Variants in MAST4 observed in about 807,000 individuals in gnomAD.
MAST4 encodes the protein microtubule-associated serine/threonine-protein kinase 4.
Under a neutral mutation model 162.7 loss-of-function variants are expected in MAST4, and 89 were observed. The observed-to-expected ratio is 0.55, with a 90% CI of 0.46 to 0.65. The LOEUF (loss-of-function observed/expected upper bound fraction) is 0.65, where lower values mean the gene tolerates loss of function less well. Ranked by LOEUF, MAST4 falls within the 30% of genes least tolerant of loss-of-function variation. The probability of loss-of-function intolerance (pLI) is 0.00; values close to 1 mark genes in which losing one functional copy is unlikely to be tolerated. For synonymous variants in MAST4, 1,479 were observed against 1,361.1 expected (o/e 1.09, Z -1.91); for missense variants, 3,153 against 3,374.0 (o/e 0.93, Z 1.62).
chr5:67,107,358 T>C (rs1390459049), intron 10 of MAST4, among the ~76,000 whole-genome samples: 1 of 152,244 alleles, frequency 6.6e-6, no homozygotes, highest in African/African-American at 2.4e-5. Flanking sequence ...TTTTAAAATA[T>C]TGATTTTTAA....
At chr5:66,642,105 T>C (rs190068268) in intron 1 of MAST4, among the ~76,000 whole-genome samples, 2 of 152,340 alleles carry the variant, frequency 1.3e-5, no homozygotes, top group East Asian at 3.9e-4. Context: ...AGACATTATG[T>C]ATTTCCTGAT....
intron 3 of MAST4, among the ~76,000 whole-genome samples, chr5:66,847,666 C>G (rs1758957006): frequency 6.6e-6 from 1 of 150,954 alleles, no homozygotes; most frequent in African/African-American, 2.4e-5. Context: ...AACAAAAACA[C>G]AAATATTAGC....
At chr5:66,978,410 A>G (rs1292838952) in intron 4 of MAST4, among the ~76,000 whole-genome samples, 1 of 152,248 alleles carries the variant, frequency 6.6e-6, no homozygotes, top group East Asian at 1.9e-4. Flanking sequence ...ATCAGCAAAT[A>G]TAACCCACTT....
At chr5:67,005,371 G>A (rs1001642020) in intron 4 of MAST4, among the ~76,000 whole-genome samples, 4 of 152,148 alleles carry the variant, frequency 2.6e-5, no homozygotes, top group African/African-American at 9.7e-5. Flanking sequence ...GAAAGAGGAG[G>A]AGATACTTTG....
At chr5:66,795,222 A>G (rs1561336390) in intron 3 of MAST4, among the ~76,000 whole-genome samples, 2 of 152,374 alleles carry the variant, frequency 1.3e-5, no homozygotes, top group East Asian at 3.8e-4. Context: ...TCTATGAATT[A>G]ACATTTCTCT....
At chr5:67,153,051 C>G (rs549840517) in intron 25 of MAST4, among the ~76,000 whole-genome samples, 185 bp downstream of exon 25, 1 of 152,350 alleles carries the variant, frequency 6.6e-6, no homozygotes, top group South Asian at 2.1e-4. Context: ...AAACGAATAT[C>G]TCATAATTCT....
chr5:66,614,227 C>T (rs971882217), intron 1 of MAST4, among the ~76,000 whole-genome samples: 22 of 152,136 alleles, frequency 1.4e-4, no homozygotes, highest in South Asian at 4.1e-4. Context: ...GAAAGCAGTC[C>T]GTGAGGCCCC....
chr5:66,959,180 T>A, intron 4 of MAST4: 1 of 778,594 alleles, frequency 1.3e-6, no homozygotes, highest in Non-Finnish European at 2.4e-6. Flanking sequence ...TGGCTCTCTG[T>A]CATCACCGGG....
intron 3 of MAST4, among the ~76,000 whole-genome samples, chr5:66,897,010 G>A (rs188296325): frequency 2.7e-4 from 41 of 152,250 alleles, no homozygotes; most frequent in African/African-American, 9.6e-4. Context: ...TATCAAGCAA[G>A]TAATGATAAA....
At chr5:66,662,317 T>C (rs568965753) in intron 1 of MAST4, 8 of 152,348 alleles carry the variant, frequency 5.3e-5, no homozygotes, top group African/African-American at 1.9e-4. Context: ...ATGTGAGACA[T>C]ACTGGTTAAT....
chr5:66,715,755 G>T (rs1261869736), intron 1 of MAST4, among the ~76,000 whole-genome samples: 1 of 148,868 alleles, frequency 6.7e-6, no homozygotes, highest in East Asian at 2.0e-4. Context: ...AAAAAATGGA[G>T]TGGAATTACT....
chr5:66,982,004 A>C (rs1748911521), intron 4 of MAST4, among the ~76,000 whole-genome samples: 1 of 152,216 alleles, frequency 6.6e-6, no homozygotes, highest in African/African-American at 2.4e-5. Context: ...AAGTGATTTG[A>C]GGCCTCAATT....
In MAST4 at chr5:67,133,538, C is replaced by T; in HGVS notation, c.2118C>T (p.His706=). The T allele has an allele frequency of 1.2e-6, 2 of 1,613,290 alleles. No homozygotes were observed. The highest frequency in any genetic ancestry group is 8.5e-7 in the Non-Finnish European group (1 of 1,179,360). ...PDNLLVTSMG[H]IKLTDFGLSK... is the part of the protein sequence containing the mutation. ...GCTTGTTGGTTACCTCCATGGGGCA[C>T]ATAAAGCTGACAGATTTTGGATTAT... Residue 706 remains histidine, a synonymous_variant, in exon 17 of 29, where the codon CAC becomes CAT. Coordinates refer to ENST00000403625, the MANE Select transcript of MAST4 (RefSeq NM_001164664.2).
intron 5 of MAST4, among the ~76,000 whole-genome samples, chr5:67,082,178 C>A (rs1229244716): frequency 1.5e-5 from 2 of 133,498 alleles, no homozygotes; most frequent in African/African-American, 5.8e-5. Flanking sequence ...GAGACGGAGT[C>A]TCACTCTGTC....
intron 5 of MAST4, among the ~76,000 whole-genome samples, chr5:67,078,902 T>TTATATAAATATA (rs1297846090): frequency 1.8e-4 from 10 of 54,086 alleles, no homozygotes; most frequent in African/African-American, 5.6e-4. Context: ...ATTTATATAT[T>TTATATAAATATA]TTTATATAAA....
chr5:66,674,023 AG>A (rs1747796750), intron 1 of MAST4, among the ~76,000 whole-genome samples: 1 of 152,218 alleles, frequency 6.6e-6, no homozygotes, highest in Non-Finnish European at 1.5e-5. Context: ...GAGTTGGAAA[AG>A]TCTATTCAAC....
intron 1 of MAST4, among the ~76,000 whole-genome samples, chr5:66,620,524 G>A (rs1580008534): frequency 6.6e-6 from 1 of 152,080 alleles, no homozygotes; most frequent in South Asian, 2.1e-4. Context: ...AAACAACAAA[G>A]CATGGCCTTT....
At chr5:66,642,823 C>T (rs1316632829) in intron 1 of MAST4, among the ~76,000 whole-genome samples, 2 of 152,186 alleles carry the variant, frequency 1.3e-5, no homozygotes, top group Non-Finnish European at 2.9e-5. Context: ...CACTCTCTTA[C>T]AACACCTGGT....
At chr5:66,654,025 C>T (rs943551679) in intron 1 of MAST4, among the ~76,000 whole-genome samples, 1 of 152,152 alleles carries the variant, frequency 6.6e-6, no homozygotes, top group African/African-American at 2.4e-5. Context: ...AGACATTCAG[C>T]CTCCATTGTT....
Sources: gnomAD v4.1 joint callset for allele counts (sites outside exome capture counted in the v4.1 genomes callset) on GRCh38, gnomAD v4.1.1 for gene constraint, MANE v1.5 for transcripts, NCBI Gene and HGNC (gene_info 2026-07-23, HGNC 2026-07-21) for gene names.